Variants in CHRM3 observed in about 807,000 individuals in gnomAD.
CHRM3 encodes the protein muscarinic acetylcholine receptor M3.
Under a neutral mutation model 41.8 loss-of-function variants are expected in CHRM3, and 11 were observed. The ratio of observed to expected loss-of-function variants is 0.26; its 90% CI spans 0.17 to 0.44. CHRM3 has a LOEUF of 0.44. CHRM3 is among the 20% of genes least tolerant of loss of function. CHRM3 has a pLI of 1.00. For missense variants in CHRM3, 571 were observed against 745.4 expected (o/e 0.77, Z 2.72); for synonymous variants, 297 against 301.4 (o/e 0.99, Z 0.15).
chr1:239,474,115 A>T (rs180689528), intron 1 of CHRM3, among the ~76,000 whole-genome samples: 1 of 152,230 alleles, frequency 6.6e-6, no homozygotes, highest in South Asian at 2.1e-4. Flanking sequence ...AAGAAAAAAT[A>T]AAATTAAAAT....
intron 3 of CHRM3, among the ~76,000 whole-genome samples, chr1:239,590,184 C>G (rs997822912): frequency 1.3e-5 from 2 of 152,104 alleles, no homozygotes; most frequent in African/African-American, 2.4e-5. Flanking sequence ...CTCTGGGAAT[C>G]CCTAGCTACT....
intron 3 of CHRM3, among the ~76,000 whole-genome samples, chr1:239,569,187 G>A (rs997137927): frequency 6.6e-5 from 10 of 152,124 alleles, no homozygotes; most frequent in African/African-American, 2.4e-4. Flanking sequence ...ATGACAATAA[G>A]AAAGTTCTTT....
At chr1:239,756,331 T>C (rs1479166889) in intron 5 of CHRM3, among the ~76,000 whole-genome samples, 3 of 152,202 alleles carry the variant, frequency 2.0e-5, no homozygotes, top group Admixed American at 2.0e-4. Flanking sequence ...GACTTAAGAA[T>C]TTGACTGAAA....
At chr1:239,436,509 G>A (rs73114795) in intron 1 of CHRM3, among the ~76,000 whole-genome samples, 19 of 152,074 alleles carry the variant, frequency 1.2e-4, no homozygotes, top group South Asian at 4.2e-4. Context: ...GCAGTCTGGA[G>A]ATAACATAGT....
intron 3 of CHRM3, among the ~76,000 whole-genome samples, chr1:239,589,303 T>C (rs572583931): frequency 1.3e-5 from 2 of 151,992 alleles, no homozygotes; most frequent in Non-Finnish European, 2.9e-5. Flanking sequence ...CTGATTACAA[T>C]AAGGAACCAA....
At chr1:239,689,679 T>C (rs1659520990) in intron 5 of CHRM3, among the ~76,000 whole-genome samples, 1 of 152,202 alleles carries the variant, frequency 6.6e-6, no homozygotes, top group Non-Finnish European at 1.5e-5. Flanking sequence ...CTGCATATTC[T>C]GTGCCAAACA....
intron 5 of CHRM3, among the ~76,000 whole-genome samples, chr1:239,707,952 A>G (rs1264267525): frequency 6.6e-6 from 1 of 152,116 alleles, no homozygotes; most frequent in Non-Finnish European, 1.5e-5. Context: ...TACTATTTTA[A>G]CTCTTTCTTC....
intron 6 of CHRM3, among the ~76,000 whole-genome samples, chr1:239,895,684 G>A (rs893712746): frequency 5.3e-5 from 8 of 152,316 alleles, no homozygotes; most frequent in Middle Eastern, 3.4e-3. Flanking sequence ...GGATGAAGCT[G>A]AAAGCCATTA....
intron 2 of CHRM3, among the ~76,000 whole-genome samples, chr1:239,518,933 TG>T (rs1160290597): frequency 2.6e-5 from 4 of 152,270 alleles, no homozygotes; most frequent in African/African-American, 4.8e-5. Context: ...TATATTTTTG[TG>T]TAAGTTGGCA....
chr1:239,717,486 T>C (rs549123441), intron 5 of CHRM3, among the ~76,000 whole-genome samples: 36 of 149,830 alleles, frequency 2.4e-4, no homozygotes, highest in Non-Finnish European at 4.6e-4. Context: ...CACACACACA[T>C]GATTTTTATC....
In CHRM3 at chr1:239,573,575, T is replaced by C. The variant is rs1057153582; in HGVS notation, c.-313+27826T>C. Among the ~76,000 whole-genome samples, 6 of 151,390 alleles carry C rather than the reference T, an allele frequency of 4.0e-5. No homozygotes were observed. The South Asian group carries it at 6.2e-4, about 16-fold the overall frequency. The stretch of plus-strand genomic sequence containing the variant: ...GCCTATATTGAAATCAAATGATCCT[T>C]AATATGCATAGTCTCATAGAACTAT... On this transcript the variant is annotated intron_variant, in intron 3 of 6. Transcript: ENST00000676153.
chr1:239,472,250 T>C (rs1666178697), intron 1 of CHRM3, among the ~76,000 whole-genome samples: 1 of 152,192 alleles, frequency 6.6e-6, no homozygotes, highest in Admixed American at 6.5e-5. Flanking sequence ...TCCTCAAGTA[T>C]AGGTACTGAG....
At chr1:239,401,309 G>A (rs1659953488) in intron 1 of CHRM3, among the ~76,000 whole-genome samples, 3 of 152,030 alleles carry the variant, frequency 2.0e-5, no homozygotes. Flanking sequence ...TCTACTGCAC[G>A]CTCAGATCTT....
intron 1 of CHRM3, among the ~76,000 whole-genome samples, chr1:239,403,447 C>T (rs1660147874): frequency 6.6e-6 from 1 of 152,182 alleles, no homozygotes; most frequent in Non-Finnish European, 1.5e-5. Context: ...CATTAGTGAA[C>T]AGTAAGCAGT....
At chr1:239,844,382 G>A (rs1398062102) in intron 6 of CHRM3, among the ~76,000 whole-genome samples, 3 of 152,114 alleles carry the variant, frequency 2.0e-5, no homozygotes, top group African/African-American at 7.2e-5. Context: ...TGTTACAGAA[G>A]ATGTGATTCC....
chr1:239,772,900 A>G (rs535825130), intron 5 of CHRM3, among the ~76,000 whole-genome samples: 2 of 152,124 alleles, frequency 1.3e-5, no homozygotes, highest in South Asian at 4.1e-4. Context: ...ACGTGTTTCT[A>G]TTTTTCATCT....
chr1:239,665,457 CT>C (rs1191685369), intron 4 of CHRM3, among the ~76,000 whole-genome samples: 1 of 152,014 alleles, frequency 6.6e-6, no homozygotes, highest in Non-Finnish European at 1.5e-5. Context: ...TATTTTTTTC[CT>C]GATTTTTCTA....
At chr1:239,527,614 A>G (rs1035688243) in intron 2 of CHRM3, among the ~76,000 whole-genome samples, 3 of 118,838 alleles carry the variant, frequency 2.5e-5, no homozygotes, top group Admixed American at 8.0e-5. Flanking sequence ...AAACAGTTCT[A>G]TGTGAAGCTC....
At chr1:239,542,419 G>C (rs1218657739) in intron 2 of CHRM3, among the ~76,000 whole-genome samples, 1 of 152,142 alleles carries the variant, frequency 6.6e-6, no homozygotes, top group Non-Finnish European at 1.5e-5. Context: ...TGAATATCTG[G>C]CAACCATTTC....
Sources: allele counts gnomAD v4.1 joint callset (sites outside exome capture counted in the v4.1 genomes callset), GRCh38; gene constraint gnomAD v4.1.1; transcripts MANE v1.5; gene names NCBI Gene and HGNC (gene_info 2026-07-23, HGNC 2026-07-21).